The following MDN1 variants were observed in gnomAD, a reference collection of about 807,000 sequenced individuals.
MDN1 encodes the protein midasin AAA ATPase 1, also known as midasin.
A neutral mutation model predicts 669.2 loss-of-function variants in MDN1; 266 were observed. The ratio of observed to expected loss-of-function variants is 0.40; its 90% confidence interval spans 0.36 to 0.44. The LOEUF is 0.44. Among genes scored for constraint, MDN1 ranks in the 20% least tolerant of loss-of-function variants. The probability of loss-of-function intolerance (pLI) is 1.00; values close to 1 mark genes in which losing one functional copy is unlikely to be tolerated. For missense variants in MDN1, 5,940 were observed against 6,754.0 expected, an observed-to-expected ratio of 0.88 and a Z score of 4.22; for synonymous variants, 2,385 against 2,457.1, an observed-to-expected ratio of 0.97 and a Z score of 0.87.
At position 89,803,330 on chromosome 6, in the gene MDN1, G is replaced by A; in HGVS notation, c.327C>T (p.Leu109=). ...SKLIGNHPDV[L]PFALRYFKDT... ...CGAATAATAAAATTGCTACTCACGGGAGGACATCAGGATGGTTACCAATGA... is the reference window on the plus strand; with the variant it reads ...CGAATAATAAAATTGCTACTCACGGAAGGACATCAGGATGGTTACCAATGA... Residue 109 remains leucine (L), a splice_region_variant and synonymous_variant, in exon 2 of 102, where the codon CTC becomes CTT. Transcript: ENST00000369393. The A allele has an allele frequency of 6.2e-7, 1 of 1,613,150 alleles. No homozygotes were observed. The highest frequency in any genetic ancestry group is 8.5e-7 in the Non-Finnish European group (1 of 1,179,136).
chr6:89,645,726 ATTTTTG>A (rs1054182585), intron 100 of MDN1, among the ~76,000 whole-genome samples: 4 of 152,216 alleles, frequency 2.6e-5, no homozygotes, highest in African/African-American at 9.6e-5. Context: ...ATGTTTTAAA[ATTTTTG>A]CTACATAGTG....
At chr6:89,710,650 G>T in intron 50 of MDN1, 31 bp downstream of exon 50, 1 of 1,301,296 alleles carries the variant, frequency 7.7e-7, no homozygotes, top group Non-Finnish European at 1.1e-6. Context: ...TTCCAAAACA[G>T]TGCTGAGAGC....
chr6:89,803,287 T>C (rs201613086), intron 2 of MDN1, 41 bp downstream of exon 2: 11 of 1,559,536 alleles, frequency 7.1e-6, no homozygotes, highest in Non-Finnish European at 9.7e-6. Context: ...GCAGGTTCTA[T>C]CACCTCAAGG....
intron 83 of MDN1, among the ~76,000 whole-genome samples, chr6:89,670,001 G>A (rs955537285): frequency 1.3e-5 from 2 of 151,190 alleles, no homozygotes; most frequent in African/African-American, 2.4e-5. Flanking sequence ...TCAGGAGATC[G>A]AGACCGTCCT....
chr6:89,769,918 T>C (rs946915582), intron 15 of MDN1, among the ~76,000 whole-genome samples: 1 of 152,132 alleles, frequency 6.6e-6, no homozygotes, highest in Non-Finnish European at 1.5e-5. Flanking sequence ...ATGAAATTAC[T>C]AAAGACATAT....
chr6:89,802,264 T>A (rs1257954179), intron 2 of MDN1, among the ~76,000 whole-genome samples: 1 of 152,178 alleles, frequency 6.6e-6, no homozygotes, highest in Non-Finnish European at 1.5e-5. Context: ...AGACCAACAG[T>A]GTTTTCCCCC....
At position 89,803,530 on chromosome 6, in the gene MDN1, A is replaced by C. The variant is rs534590056; in HGVS notation, c.127T>G (p.Cys43Gly). ...AACTGTGCTAAGGTACTCAGGACAC[A>C]CTGGCGATCTTGAGGTGTCCACACC... is the stretch of plus-strand genomic sequence containing the variant. ...KQVWTPQDRQ[C>G]VLSTLAQLLL... The change falls in exon 2 of 102, where the codon TGT becomes GGT. Residue 43 changes from cysteine (C) to glycine (G), a missense_variant. Transcript: ENST00000369393. 1 of 1,613,546 alleles carries C rather than the reference A, an allele frequency of 6.2e-7. No homozygotes were observed.
In MDN1 at chr6:89,648,040, T is replaced by C; in HGVS notation, c.16387A>G (p.Ile5463Val). The C allele has an allele frequency of 1.2e-6, 2 of 1,610,460 alleles. No homozygotes were observed. Among genetic ancestry groups the C allele is most frequent in the Non-Finnish European group, 1.7e-6 (2 of 1,176,594 alleles). The change falls in exon 99 of 102, where the codon ATT becomes GTT. Residue 5463 changes from isoleucine (I) to valine (V), a missense_variant. Physicochemically the swap from Ile to Val is conservative, Grantham distance 29. Around this residue, in one of 5 missense-constraint regions of MDN1, gnomAD observed 2,280 missense variants for 2,576.3 expected, o/e 0.88. Coordinates refer to ENST00000369393, the MANE Select transcript of MDN1 (RefSeq NM_014611.3). The part of the protein sequence containing the change: ...LCKFQQKKTK[I>V]AQFLESVANM... Reference sequence around the variant, plus strand: ...TTATTTCATCCTCTTACCTGAGCAATCTTGGTTTTCTTTTGTTGGAATTTG... The same window carrying C: ...TTATTTCATCCTCTTACCTGAGCAACCTTGGTTTTCTTTTGTTGGAATTTG...
At chr6:89,717,402 T>C (rs1371872191) in intron 43 of MDN1, among the ~76,000 whole-genome samples, 1 of 152,228 alleles carries the variant, frequency 6.6e-6, no homozygotes, top group Admixed American at 6.5e-5. Context: ...GTCCAACCAC[T>C]TGCTAACTGT....
intron 1 of MDN1, among the ~76,000 whole-genome samples, chr6:89,804,532 C>A (rs1390099712): frequency 6.6e-6 from 1 of 152,054 alleles, no homozygotes; most frequent in South Asian, 2.1e-4. Flanking sequence ...TCCCCCAGCT[C>A]CTTTAACTCT....
At chr6:89,670,654 A>G (rs1810686731) in intron 83 of MDN1, among the ~76,000 whole-genome samples, 1 of 152,090 alleles carries the variant, frequency 6.6e-6, no homozygotes, top group Non-Finnish European at 1.5e-5. Flanking sequence ...CAGCTTTTAG[A>G]CAGCGCTGGA....
At chr6:89,805,662 C>G (rs1767967596) in intron 1 of MDN1, among the ~76,000 whole-genome samples, 1 of 152,106 alleles carries the variant, frequency 6.6e-6, no homozygotes, top group African/African-American at 2.4e-5. Context: ...AAATTATCAC[C>G]CAGAAAGTCA....
At chr6:89,662,371 C>T (rs949652530) in intron 86 of MDN1, 132 bp from the exon 87 acceptor site, 14 of 870,256 alleles carry the variant, frequency 1.6e-5, no homozygotes, top group African/African-American at 1.5e-4. Flanking sequence ...AAGTGCCATC[C>T]GTGACCTAGA....
intron 56 of MDN1, 140 bp downstream of exon 56, chr6:89,700,506 C>G: frequency 1.2e-6 from 1 of 810,642 alleles, no homozygotes; most frequent in South Asian, 1.8e-5. Flanking sequence ...TAGTCCTATG[C>G]CTGACACTTA....
At position 89,770,405 on chromosome 6, in the gene MDN1, A is replaced by C. The variant is rs1217324583; in HGVS notation, c.2144+1156T>G. Among the ~76,000 whole-genome samples, 9 of 152,098 alleles carry C rather than the reference A, an allele frequency of 5.9e-5. No homozygotes were observed. The East Asian group carries it at 1.7e-3, about 29-fold the overall frequency. On this transcript the variant is annotated intron_variant, in intron 15 of 101. Coordinates refer to ENST00000369393, the MANE Select transcript of MDN1 (RefSeq NM_014611.3). Reference sequence around the variant, plus strand: ...GACAGAGCAAGACTCTGTCTCAAAAAAAAAAAAAAAAGAATAAAGGTAAAT... The same window carrying C: ...GACAGAGCAAGACTCTGTCTCAAAACAAAAAAAAAAAGAATAAAGGTAAAT...
intron 11 of MDN1, among the ~76,000 whole-genome samples, chr6:89,778,326 T>C (rs568176960): frequency 1.5e-3 from 230 of 152,088 alleles, no homozygotes; most frequent in African/African-American, 5.3e-3. Context: ...AAGAATCTAG[T>C]CCTTTTAAAA....
rs114399464 is a variant in MDN1, at chr6:89,688,156, G to T, written c.11277C>A (p.Asp3759Glu). 9 of 1,613,952 alleles carry T rather than the reference G, an allele frequency of 5.6e-6. No individual in the cohort carries two copies. Among genetic ancestry groups the T allele is most frequent in the Non-Finnish European group, 7.6e-6 (9 of 1,179,902 alleles). Residue 3759 changes from aspartate (D) to glutamate (E), a missense_variant, in exon 67 of 102, where the codon GAC becomes GAA. Physicochemically the swap from Asp to Glu is conservative, Grantham distance 45 (BLOSUM62 2). Coordinates refer to ENST00000369393, the MANE Select transcript of MDN1 (RefSeq NM_014611.3). ...TGGAAAGTGGGAAACTACGAATTCT[G>T]TCCATTACAACCAGGAGCTGCAGAA... ...PALEQLLVVM[D>E]RIRSFPLSSP... is the part of the protein sequence containing the mutation.
chr6:89,785,711 G>A (rs1399751869), intron 8 of MDN1, among the ~76,000 whole-genome samples: 1 of 152,194 alleles, frequency 6.6e-6, no homozygotes, highest in South Asian at 2.1e-4. Flanking sequence ...ACACTCAACT[G>A]TGACTGAAAA....
Position 89,729,004 on chromosome 6 carries a change from T to C in MDN1, c.5276A>G (p.Lys1759Arg). The change falls in exon 36 of 102, where the codon AAG (lysine) becomes AGG (arginine). Residue 1759 changes from lysine to arginine, a missense_variant. Lys to Arg is a conservative substitution (Grantham distance 26). This residue lies in a region of MDN1 where 2,292 missense variants were observed against 2,638.3 expected (regional missense o/e 0.87). Coordinates refer to ENST00000369393, the MANE Select transcript of MDN1 (RefSeq NM_014611.3). Reference protein sequence around the residue: ...ILLEGSPGVGKTSLVGALAKA... With the variant: ...ILLEGSPGVGRTSLVGALAKA... ...TGCTAATGCTCCCACCAAACTTGTCTTGCCAACACCAGGGGAACCCTCCAG... is the reference window on the plus strand; with the variant it reads ...TGCTAATGCTCCCACCAAACTTGTCCTGCCAACACCAGGGGAACCCTCCAG... 1 of 1,614,160 alleles carries C rather than the reference T, an allele frequency of 6.2e-7. No individual in the cohort carries two copies. The highest frequency in any genetic ancestry group is 8.5e-7 in the Non-Finnish European group (1 of 1,180,014).
Sources: allele counts gnomAD v4.1 joint callset (sites outside exome capture counted in the v4.1 genomes callset), GRCh38; gene constraint gnomAD v4.1.1; regional missense constraint gnomAD v4.1.1; transcripts MANE v1.5; gene names NCBI Gene and HGNC (gene_info 2026-07-23, HGNC 2026-07-21).